Variants in TEX36 observed in about 807,000 individuals in gnomAD.
TEX36 encodes testis-expressed protein 36.
TEX36 carries 12 observed loss-of-function variants against 13.6 expected under a neutral mutation model. That is an observed-to-expected ratio of 0.88 (90% confidence interval 0.56 to 1.43). The LOEUF (loss-of-function observed/expected upper bound fraction) is 1.43. Among genes scored for constraint, TEX36 ranks in the 40% most tolerant of loss-of-function variants. TEX36 has a pLI of 0.00. For synonymous variants in TEX36, 93 were observed against 83.0 expected, an observed-to-expected ratio of 1.12 and a Z score of -0.65; for missense variants, 224 against 228.3, an observed-to-expected ratio of 0.98 and a Z score of 0.12.
intron 3 of TEX36, among the ~76,000 whole-genome samples, chr10:125,660,313 C>T (rs926994986): frequency 5.3e-5 from 8 of 151,994 alleles, no homozygotes; most frequent in Non-Finnish European, 8.8e-5. Flanking sequence ...TTTGTAGACA[C>T]GGGGTCTTAC....
At chr10:125,666,319 ATGTT>A (rs1847121060) in intron 1 of TEX36, among the ~76,000 whole-genome samples, 1 of 152,158 alleles carries the variant, frequency 6.6e-6, no homozygotes, top group Non-Finnish European at 1.5e-5. Flanking sequence ...ATTCAGTATG[ATGTT>A]AGCTGTGGGT....
intron 3 of TEX36, among the ~76,000 whole-genome samples, chr10:125,615,661 G>A (rs1846347888): frequency 6.7e-6 from 1 of 150,280 alleles, no homozygotes; most frequent in South Asian, 2.1e-4. Context: ...TAAGCTTTTT[G>A]ATGTGCTGCT....
intron 3 of TEX36, among the ~76,000 whole-genome samples, chr10:125,638,601 A>T (rs1846647389): frequency 1.3e-5 from 2 of 152,200 alleles, no homozygotes; most frequent in African/African-American, 4.8e-5. Context: ...ACAAAAAAAA[A>T]TTTGCTGACT....
intron 3 of TEX36, among the ~76,000 whole-genome samples, chr10:125,585,224 G>C (rs113769673): frequency 1.3e-5 from 2 of 152,170 alleles, no homozygotes; most frequent in Non-Finnish European, 2.9e-5. Flanking sequence ...GAGGGGCTGC[G>C]AGGAGGAGCT....
chr10:125,677,734 T>C (rs909782407), intron 1 of TEX36, among the ~76,000 whole-genome samples: 2 of 152,218 alleles, frequency 1.3e-5, no homozygotes, highest in African/African-American at 4.8e-5. Flanking sequence ...GAGGCTGAAG[T>C]GCAGTGGTGC....
intron 3 of TEX36, among the ~76,000 whole-genome samples, chr10:125,660,706 T>G (rs992498615): frequency 6.6e-6 from 1 of 152,200 alleles, no homozygotes; most frequent in African/African-American, 2.4e-5. Context: ...GAGATACGCA[T>G]AGCAGTCCCT....
intron 3 of TEX36, among the ~76,000 whole-genome samples, chr10:125,658,130 G>A (rs186354357): frequency 1.8e-3 from 269 of 152,096 alleles, no homozygotes; most frequent in African/African-American, 6.2e-3. Flanking sequence ...TAGATTCTTC[G>A]ATTTTTTTTA....
At chr10:125,636,455 C>G (rs943721274) in intron 3 of TEX36, among the ~76,000 whole-genome samples, 2 of 151,870 alleles carry the variant, frequency 1.3e-5, no homozygotes, top group Non-Finnish European at 2.9e-5. Context: ...ACCTCGTGAT[C>G]CACCTGCCTC....
At chr10:125,621,750 C>G (rs1589758829) in intron 3 of TEX36, 1 of 428,342 alleles carries the variant, frequency 2.3e-6, no homozygotes, top group East Asian at 7.0e-5. Context: ...GCCCAAGAGC[C>G]CCCCAGAAGC....
At chr10:125,677,976 C>T (rs544778714) in intron 1 of TEX36, among the ~76,000 whole-genome samples, 2 of 152,290 alleles carry the variant, frequency 1.3e-5, no homozygotes, top group South Asian at 4.1e-4. Flanking sequence ...GCCACTGCAC[C>T]CAGCCCCTAA....
intron 1 of TEX36, among the ~76,000 whole-genome samples, chr10:125,668,310 ATT>A (rs58817917): frequency 6.9e-6 from 1 of 145,264 alleles, no homozygotes. Context: ...TTGTTGGGAG[ATT>A]TTTTTTTTTT....
chr10:125,614,889 C>T (rs1180685277), intron 3 of TEX36, among the ~76,000 whole-genome samples: 11 of 152,298 alleles, frequency 7.2e-5, no homozygotes, highest in Middle Eastern at 3.4e-3. Context: ...GCCATTTTCA[C>T]GGTATTGATT....
intron 3 of TEX36, among the ~76,000 whole-genome samples, chr10:125,632,985 G>T (rs114567790): frequency 0.028 from 4,191 of 152,132 alleles, 207 homozygotes; most frequent in African/African-American, 0.094. Context: ...TAGCTGGGCC[G>T]TAGTGTCATA....
chr10:125,616,676 A>G (rs1441433677), downstream of TEX36, among the ~76,000 whole-genome samples: 1 of 113,380 alleles, frequency 8.8e-6, no homozygotes, highest in African/African-American at 3.4e-5. Context: ...CTGTTCTTTT[A>G]CATTTGCTGA....
At chr10:125,618,902 C>A (rs1055761415), downstream of TEX36, among the ~76,000 whole-genome samples, 3 of 129,394 alleles carry the variant, frequency 2.3e-5, no homozygotes, top group East Asian at 2.3e-4. Flanking sequence ...GTCAGGAGAT[C>A]GAGACCATCC....
intron 3 of TEX36, among the ~76,000 whole-genome samples, chr10:125,580,408 A>G (rs1845869025): frequency 6.6e-6 from 1 of 152,228 alleles, no homozygotes; most frequent in Non-Finnish European, 1.5e-5. Context: ...GATAAATGGA[A>G]GAGGAGAGTT....
chr10:125,640,858 G>A (rs772727982), intron 3 of TEX36, among the ~76,000 whole-genome samples: 1 of 152,032 alleles, frequency 6.6e-6, no homozygotes, highest in Admixed American at 6.6e-5. Context: ...TTGTTTTGTG[G>A]GTCTTAGGGT....
intron 3 of TEX36, among the ~76,000 whole-genome samples, chr10:125,631,372 T>G (rs1846551827): frequency 6.6e-6 from 1 of 152,212 alleles, no homozygotes; most frequent in African/African-American, 2.4e-5. Flanking sequence ...AAGCCCTCTG[T>G]GTAGCCACAC....
intron 3 of TEX36, among the ~76,000 whole-genome samples, chr10:125,580,131 T>G (rs1679206266): frequency 6.6e-6 from 1 of 152,174 alleles, no homozygotes; most frequent in South Asian, 2.1e-4. Context: ...TATTTTGGAG[T>G]GTCAGCTTCT....
Sources: allele counts gnomAD v4.1 joint callset (sites outside exome capture counted in the v4.1 genomes callset), GRCh38; gene constraint gnomAD v4.1.1; transcripts MANE v1.5; gene names NCBI Gene and HGNC (gene_info 2026-07-23, HGNC 2026-07-21).